Variants in MALRD1 observed in about 807,000 individuals in gnomAD.
The protein encoded by MALRD1 is MAM and LDL receptor class A domain containing 1, also known as MAM and LDL-receptor class A domain-containing protein 1.
Under a neutral mutation model 242.1 loss-of-function variants are expected in MALRD1, and 247 were observed. The ratio of observed to expected loss-of-function variants is 1.02; its 90% CI spans 0.92 to 1.13. The LOEUF (loss-of-function observed/expected upper bound fraction) is 1.13. Among genes scored for constraint, MALRD1 ranks in the 50% most tolerant of loss-of-function variants. MALRD1 has a pLI of 0.00. For missense variants in MALRD1, 2,989 were observed against 2,533.1 expected (o/e 1.18, Z -3.86); for synonymous variants, 995 against 866.6 (o/e 1.15, Z -2.60).
intron 4 of MALRD1, among the ~76,000 whole-genome samples, chr10:19,101,719 C>A (rs1836265228): frequency 7.5e-6 from 1 of 132,652 alleles, no homozygotes; most frequent in Non-Finnish European, 1.5e-5. Context: ...AATATATATT[C>A]TATAATATAT....
At chr10:19,566,999 A>T (rs1296685134) in intron 32 of MALRD1, among the ~76,000 whole-genome samples, 2 of 152,190 alleles carry the variant, frequency 1.3e-5, no homozygotes, top group Non-Finnish European at 1.5e-5. Flanking sequence ...TATTAAAAAA[A>T]GTGGTGAATA....
chr10:19,535,798 A>C (rs1834648649), intron 32 of MALRD1, among the ~76,000 whole-genome samples: 1 of 152,188 alleles, frequency 6.6e-6, no homozygotes, highest in Non-Finnish European at 1.5e-5. Context: ...ACACTGCCCC[A>C]GAATGTGCCA....
intron 14 of MALRD1, among the ~76,000 whole-genome samples, chr10:19,183,292 T>C (rs1835595364): frequency 6.6e-6 from 1 of 151,876 alleles, no homozygotes; most frequent in East Asian, 1.9e-4. Context: ...GTAGGAGTCT[T>C]TTTTTTTCTT....
At chr10:19,471,709 C>A (rs11010086) in intron 29 of MALRD1, among the ~76,000 whole-genome samples, 34,958 of 125,316 alleles carry the variant, frequency 0.28, 5,049 homozygotes, top group East Asian at 0.44. Context: ...TGCCTAATTT[C>A]TTTTTCATAT....
At chr10:19,519,150 C>T (rs1398806000) in intron 31 of MALRD1, among the ~76,000 whole-genome samples, 1 of 151,974 alleles carries the variant, frequency 6.6e-6, no homozygotes, top group African/African-American at 2.4e-5. Context: ...CAAAATTTTT[C>T]ATCAGTATAT....
At chr10:19,396,324 A>G (rs1846578828) in intron 28 of MALRD1, among the ~76,000 whole-genome samples, 2 of 151,522 alleles carry the variant, frequency 1.3e-5, no homozygotes, top group African/African-American at 4.9e-5. Context: ...TTTAGTAAAG[A>G]CGGGGGTTTC....
At chr10:19,717,728 A>C (rs543859963) in intron 38 of MALRD1, among the ~76,000 whole-genome samples, 1 of 152,238 alleles carries the variant, frequency 6.6e-6, no homozygotes, top group East Asian at 1.9e-4. Flanking sequence ...GAAATACCTG[A>C]GGCTGGGGCT....
At chr10:19,500,717 C>G (rs1036342066) in intron 31 of MALRD1, among the ~76,000 whole-genome samples, 1 of 152,172 alleles carries the variant, frequency 6.6e-6, no homozygotes, top group African/African-American at 2.4e-5. Flanking sequence ...GAAGGGCCAA[C>G]ACATAATGAC....
At chr10:19,251,543 CT>C (rs1380516889) in intron 18 of MALRD1, among the ~76,000 whole-genome samples, 1 of 151,830 alleles carries the variant, frequency 6.6e-6, no homozygotes, top group Non-Finnish European at 1.5e-5. Context: ...TTTTTCCTGT[CT>C]TTCTGTATCA....
At chr10:19,669,537 C>A (rs1841819653) in intron 36 of MALRD1, among the ~76,000 whole-genome samples, 1 of 152,074 alleles carries the variant, frequency 6.6e-6, no homozygotes, top group African/African-American at 2.4e-5. Flanking sequence ...TTGTAAGTTT[C>A]CCTTTCCTAA....
intron 29 of MALRD1, among the ~76,000 whole-genome samples, chr10:19,484,180 T>C (rs7895339): frequency 0.018 from 2,666 of 152,284 alleles, 71 homozygotes; most frequent in African/African-American, 0.061. Context: ...ACAAGCTCAC[T>C]ACCTAGGTGA....
chr10:19,233,407 C>T (rs1272467456), intron 18 of MALRD1, among the ~76,000 whole-genome samples: 1 of 152,082 alleles, frequency 6.6e-6, no homozygotes, highest in East Asian at 1.9e-4. Context: ...GAGGCTGAGA[C>T]AGGAGAATCA....
intron 33 of MALRD1, among the ~76,000 whole-genome samples, chr10:19,570,934 A>G (rs1836502518): frequency 6.6e-6 from 1 of 152,120 alleles, no homozygotes; most frequent in South Asian, 2.1e-4. Flanking sequence ...AAGTCATGAT[A>G]CATATAATTA....
rs559694679 is a variant in MALRD1 at position 19,692,677 on chromosome 10, C to T, written c.6314+123C>T. On this transcript the variant is annotated intron_variant, in intron 38 of 39. Transcript: ENST00000454679. ...TGCAGGAAACTTTAGTGTTTTGCTG[C>T]TTTATGGATTTATTTTTCTGGGCAG... The T allele has an allele frequency of 5.3e-5, 36 of 683,518 alleles. No homozygotes were observed. In the South Asian group the frequency reaches 6.1e-4, roughly 12 times the overall value. 42.3% of individuals were successfully genotyped at this position (683,518 alleles called of 1,614,324 possible). A position where few individuals can be genotyped will look rare whatever the true frequency, so the allele number is the denominator to read the frequency against.
At chr10:19,244,225 T>C (rs779053310) in intron 18 of MALRD1, among the ~76,000 whole-genome samples, 16 of 152,188 alleles carry the variant, frequency 1.1e-4, no homozygotes, top group Non-Finnish European at 2.1e-4. Context: ...ACTGGTTCCT[T>C]AGGCTTCTTA....
intron 1 of MALRD1, among the ~76,000 whole-genome samples, chr10:19,056,501 A>G (rs1360632275): frequency 6.6e-6 from 1 of 152,058 alleles, no homozygotes; most frequent in East Asian, 1.9e-4. Context: ...TCTTATTAGT[A>G]TATAGAAAAA....
intron 18 of MALRD1, among the ~76,000 whole-genome samples, chr10:19,226,949 A>G (rs993366513): frequency 6.6e-6 from 1 of 152,076 alleles, no homozygotes; most frequent in African/African-American, 2.4e-5. Context: ...ATAATTCAGA[A>G]TAAATTTAAT....
intron 28 of MALRD1, among the ~76,000 whole-genome samples, chr10:19,445,177 T>C (rs2483078): frequency 0.77 from 117,477 of 152,114 alleles, 45,985 homozygotes; most frequent in African/African-American, 0.9. Context: ...AAGGTCTTAT[T>C]TATGCTGTTT....
intron 18 of MALRD1, among the ~76,000 whole-genome samples, chr10:19,255,176 AT>A (rs1159285320): frequency 6.6e-6 from 1 of 152,034 alleles, no homozygotes; most frequent in African/African-American, 2.4e-5. Context: ...TATAAGTAGA[AT>A]TGACCTGTAC....
Sources: gnomAD v4.1 joint callset for allele counts (sites outside exome capture counted in the v4.1 genomes callset) on GRCh38, gnomAD v4.1.1 for gene constraint, MANE v1.5 for transcripts, NCBI Gene and HGNC (gene_info 2026-07-23, HGNC 2026-07-21) for gene names.